The following NEBL variants were observed in gnomAD, a reference collection of about 807,000 sequenced individuals.
The protein encoded by NEBL is LIM and SH3 protein 2.
NEBL carries 122 observed loss-of-function variants against 140.2 expected under a neutral mutation model. The ratio of observed to expected loss-of-function variants is 0.87; its 90% CI spans 0.75 to 1.01. The LOEUF (loss-of-function observed/expected upper bound fraction) is 1.01. NEBL is among the 50% of genes least tolerant of loss of function. The pLI, the probability that NEBL is intolerant of heterozygous loss-of-function variation, is 0.00. For missense variants in NEBL, 1,365 were observed against 1,231.3 expected, an observed-to-expected ratio of 1.11 and a Z score of -1.62; for synonymous variants, 436 against 398.9, an observed-to-expected ratio of 1.09 and a Z score of -1.11.
At chr10:20,922,778 G>A (rs975744709) in intron 4 of NEBL, among the ~76,000 whole-genome samples, 2 of 152,124 alleles carry the variant, frequency 1.3e-5, no homozygotes, top group Non-Finnish European at 2.9e-5. Context: ...CATCCCTTCC[G>A]TTGCTCCCCT....
At chr10:21,101,026 A>G (rs1474242645) in intron 2 of NEBL, among the ~76,000 whole-genome samples, 23 of 152,142 alleles carry the variant, frequency 1.5e-4, no homozygotes, top group Admixed American at 1.4e-3. Context: ...ACCAGAATGT[A>G]ACTTTAGAGA....
intron 3 of NEBL, among the ~76,000 whole-genome samples, chr10:20,978,673 C>T (rs535597219): frequency 6.6e-6 from 1 of 151,414 alleles, no homozygotes; most frequent in African/African-American, 2.4e-5. Flanking sequence ...GTGGATTGCC[C>T]GTACCCAGGA....
At chr10:20,982,974 CA>C (rs938812483) in intron 3 of NEBL, among the ~76,000 whole-genome samples, 2 of 151,436 alleles carry the variant, frequency 1.3e-5, no homozygotes, top group Non-Finnish European at 2.9e-5. Context: ...AATCTAATTT[CA>C]AAAAAAATAA....
At chr10:20,824,834 A>G (rs1271405150) in intron 18 of NEBL, among the ~76,000 whole-genome samples, 2 of 152,218 alleles carry the variant, frequency 1.3e-5, no homozygotes, top group Non-Finnish European at 2.9e-5. Context: ...ACTGTAGTCT[A>G]TAGAATTGCA....
At chr10:21,022,459 T>C (rs1838837927) in intron 2 of NEBL, among the ~76,000 whole-genome samples, 1 of 152,194 alleles carries the variant, frequency 6.6e-6, no homozygotes, top group Admixed American at 6.6e-5. Context: ...CGGAGTCAGA[T>C]TCGTGGTAGG....
rs969276266 is a variant in NEBL, at chr10:21,029,366, C to G, written c.165-9165G>C. On this transcript the variant is annotated intron_variant, in intron 2 of 6. Coordinates refer to the NEBL transcript ENST00000417816. ...TTCTTTAGAGGATTAATTATCAGTG[C>G]AGTGCGTTTACCACGTGAACCCAGC... 5 of 1,611,566 alleles carry G rather than the reference C, an allele frequency of 3.1e-6. No individual in the cohort carries two copies. In the Admixed American group the frequency reaches 8.3e-5, roughly 27 times the overall value.
chr10:20,944,317 G>T (rs60657589), intron 4 of NEBL, among the ~76,000 whole-genome samples: 5,488 of 152,162 alleles, frequency 0.036, 266 homozygotes, highest in African/African-American at 0.11. Context: ...GGAGAATCAC[G>T]TGAACCTGGG....
intron 3 of NEBL, among the ~76,000 whole-genome samples, chr10:21,233,579 C>T (rs979291251): frequency 9.7e-5 from 14 of 144,116 alleles, no homozygotes; most frequent in Non-Finnish European, 1.5e-4. Flanking sequence ...GATATATATA[C>T]ACATGTACAT....
In NEBL at chr10:20,910,971, C is replaced by T. The variant is rs147198252; in HGVS notation, c.357+50701G>A. Among the ~76,000 whole-genome samples the T allele has an allele frequency of 6.6e-5, 10 of 151,924 alleles. No homozygotes were observed. In the South Asian group the frequency reaches 8.3e-4, roughly 13 times the overall value. On this transcript the variant is annotated intron_variant, in intron 4 of 6. Transcript: ENST00000417816. ...TGGCTTGAGTCTAGGAGTTCAAGAACAGCCTGGGCAACACAGCAAGACCCT... is the reference window on the plus strand; with the variant it reads ...TGGCTTGAGTCTAGGAGTTCAAGAATAGCCTGGGCAACACAGCAAGACCCT...
intron 2 of NEBL, among the ~76,000 whole-genome samples, chr10:21,040,060 G>C (rs1234133548): frequency 6.6e-6 from 1 of 152,200 alleles, no homozygotes; most frequent in East Asian, 1.9e-4. Flanking sequence ...ACCTGAGCCT[G>C]GGTAATCTCT....
chr10:21,177,761 C>G (rs113304234), upstream of NEBL, among the ~76,000 whole-genome samples: 19 of 152,260 alleles, frequency 1.2e-4, 1 homozygote, highest in African/African-American at 4.6e-4. Context: ...ATCTCCTGAC[C>G]TCATGATCTG....
chr10:21,261,888 G>A (rs988626951), intron 1 of NEBL, among the ~76,000 whole-genome samples: 7 of 152,068 alleles, frequency 4.6e-5, no homozygotes, highest in Non-Finnish European at 1.0e-4. Context: ...CACACTCCCA[G>A]CTGTTGCCAT....
chr10:20,831,155 A>T, intron 16 of NEBL, 41 bp downstream of exon 16: 1 of 1,346,556 alleles, frequency 7.4e-7, no homozygotes, highest in Non-Finnish European at 1.1e-6. Context: ...GCAACATGAC[A>T]TTGGAATACA....
chr10:21,141,407 A>G (rs1163817036), intron 2 of NEBL, among the ~76,000 whole-genome samples: 1 of 152,224 alleles, frequency 6.6e-6, no homozygotes, highest in Non-Finnish European at 1.5e-5. Context: ...AAAAAATAGC[A>G]TATAGAGAAA....
chr10:20,845,542 T>C (rs899585075), intron 11 of NEBL, 174 bp from the exon 12 acceptor site: 1 of 568,100 alleles, frequency 1.8e-6, no homozygotes, highest in South Asian at 2.1e-5. Context: ...TTTAGAATTC[T>C]ACCAAACAAA....
At chr10:20,952,309 C>A (rs193072400) in intron 4 of NEBL, among the ~76,000 whole-genome samples, 141 of 151,856 alleles carry the variant, frequency 9.3e-4, no homozygotes, top group African/African-American at 3.2e-3. Context: ...TGGTGCCAGG[C>A]ACCTGTAGTC....
intron 2 of NEBL, among the ~76,000 whole-genome samples, chr10:21,113,968 CT>C (rs1340353499): frequency 6.6e-6 from 1 of 151,838 alleles, no homozygotes; most frequent in African/African-American, 2.4e-5. Flanking sequence ...TTAACTTGCT[CT>C]TCTTTTTCTA....
intron 3 of NEBL, among the ~76,000 whole-genome samples, chr10:21,180,386 G>A (rs572201414): frequency 3.3e-5 from 5 of 152,206 alleles, no homozygotes; most frequent in South Asian, 4.2e-4. Context: ...ATTCCTTCTC[G>A]TTGTTGTCCT....
intron 3 of NEBL, among the ~76,000 whole-genome samples, chr10:20,973,597 T>C (rs1356103052): frequency 6.6e-6 from 1 of 152,194 alleles, no homozygotes; most frequent in Non-Finnish European, 1.5e-5. Context: ...TATAATTTGA[T>C]CTACCCAAAT....
Sources: allele counts gnomAD v4.1 joint callset (sites outside exome capture counted in the v4.1 genomes callset), GRCh38; gene constraint gnomAD v4.1.1; transcripts MANE v1.5; gene names NCBI Gene and HGNC (gene_info 2026-07-23, HGNC 2026-07-21).